Variants in MAP3K19 observed in about 807,000 individuals in gnomAD.
The protein encoded by MAP3K19 is mitogen-activated protein kinase kinase kinase 19.
In MAP3K19, 91 loss-of-function variants were observed where a neutral mutation model predicts 114.4. The ratio of observed to expected loss-of-function variants is 0.80; its 90% CI spans 0.67 to 0.95. MAP3K19 has a LOEUF of 0.95. MAP3K19 is among the 40% of genes least tolerant of loss of function. MAP3K19 has a pLI of 0.00. For missense variants in MAP3K19, 1,471 were observed against 1,573.2 expected (o/e 0.94, Z 1.10); for synonymous variants, 518 against 530.5 (o/e 0.98, Z 0.32).
intron 8 of MAP3K19, among the ~76,000 whole-genome samples, chr2:134,996,410 G>T (rs546645012): frequency 6.6e-6 from 1 of 151,576 alleles, no homozygotes; most frequent in Non-Finnish European, 1.5e-5. Context: ...GATGCCAAAT[G>T]CTTGGAGGTT....
rs771676353 is a variant in MAP3K19 at position 134,987,618 on chromosome 2, T to G, written c.1254A>C (p.Lys418Asn). ...EEMRNNKAASKRVSLHKNEAM... is the reference protein window; with the variant it reads ...EEMRNNKAASNRVSLHKNEAM... Reference sequence around the variant, plus strand: ...CTTCATTTTTATGTAATGAAACTCTTTTTGAAGCAGCTTTATTATTTCTCA... The same window carrying G: ...CTTCATTTTTATGTAATGAAACTCTGTTTGAAGCAGCTTTATTATTTCTCA... The change falls in exon 10 of 13, where the codon AAA becomes AAC. Residue 418 changes from lysine (K) to asparagine (N), a missense_variant. By Grantham distance (94) the Lys-to-Asn change is moderately conservative (BLOSUM62 0). Coordinates refer to ENST00000392915, the MANE Select transcript of MAP3K19 (RefSeq NM_025052.5). 1 of 1,614,130 alleles carries G rather than the reference T, an allele frequency of 6.2e-7. No individual in the cohort carries two copies. The highest frequency in any genetic ancestry group is 1.7e-5 in the Admixed American group (1 of 60,008).
intron 2 of MAP3K19, among the ~76,000 whole-genome samples, chr2:135,037,261 G>A (rs1337562510): frequency 6.6e-6 from 1 of 152,242 alleles, no homozygotes; most frequent in Non-Finnish European, 1.5e-5. Context: ...GCCTCCCAAA[G>A]TGCTGGGATT....
At chr2:135,014,532 G>T (rs1268030128) in intron 5 of MAP3K19, among the ~76,000 whole-genome samples, 1 of 152,146 alleles carries the variant, frequency 6.6e-6, no homozygotes, top group Admixed American at 6.5e-5. Flanking sequence ...TCAGATATTT[G>T]AAGACATTCC....
chr2:134,984,033 C>T (rs764416258), intron 10 of MAP3K19, among the ~76,000 whole-genome samples: 2 of 152,216 alleles, frequency 1.3e-5, no homozygotes, highest in East Asian at 1.9e-4. Context: ...CATTTTAAAA[C>T]CACATCTTGC....
chr2:135,025,770 C>G (rs374777179), intron 3 of MAP3K19, among the ~76,000 whole-genome samples: 1 of 151,874 alleles, frequency 6.6e-6, no homozygotes, highest in Non-Finnish European at 1.5e-5. Flanking sequence ...TACAACAGAA[C>G]AAGTCTCTTC....
chr2:134,999,024 T>G lies in MAP3K19; in HGVS notation c.315-27A>C. ...TAAAGGGGGAGGGAAATGTTTGATTTAAAACTCAGTTGCCACATCTTCTGG... is the reference window on the plus strand; with the variant it reads ...TAAAGGGGGAGGGAAATGTTTGATTGAAAACTCAGTTGCCACATCTTCTGG... On this transcript the variant is annotated intron_variant, in intron 7 of 12. Transcript: ENST00000392915. The surrounding 1 kb of genome is among the most constrained non-coding windows in gnomAD (Gnocchi z 4.1). 6.3e-7 allele frequency: 1 copy of G among 1,596,702 alleles called. No homozygotes were observed. Among genetic ancestry groups the G allele is most frequent in the Non-Finnish European group, 8.5e-7 (1 of 1,172,972 alleles).
intron 5 of MAP3K19, among the ~76,000 whole-genome samples, chr2:135,009,884 G>A (rs1687100675): frequency 6.6e-6 from 1 of 151,882 alleles, no homozygotes; most frequent in Non-Finnish European, 1.5e-5. Context: ...AAGCATAAAT[G>A]GGTTAACTAA....
intron 6 of MAP3K19, among the ~76,000 whole-genome samples, chr2:135,002,025 T>C (rs1446237897): frequency 6.6e-6 from 1 of 152,228 alleles, no homozygotes; most frequent in Non-Finnish European, 1.5e-5. Flanking sequence ...TTCTGCCTCT[T>C]GAATACTGTG....
At chr2:134,975,685 G>A (rs536053549) in intron 12 of MAP3K19, among the ~76,000 whole-genome samples, 3 of 152,282 alleles carry the variant, frequency 2.0e-5, no homozygotes, top group Admixed American at 1.3e-4. Flanking sequence ...TCAGGCAGGT[G>A]GCTCTCAGGT....
intron 12 of MAP3K19, among the ~76,000 whole-genome samples, chr2:134,966,357 A>T (rs1303483857): frequency 2.0e-5 from 3 of 147,392 alleles, no homozygotes; most frequent in Non-Finnish European, 4.5e-5. Context: ...TTACATTCAC[A>T]CCCAACAGTA....
In MAP3K19 at chr2:135,021,746, T is replaced by C; in HGVS notation, c.107A>G (p.Asn36Ser). 6.2e-7 allele frequency: 1 copy of C among 1,612,340 alleles called. No homozygotes were observed. The highest frequency in any genetic ancestry group is 8.5e-7 in the Non-Finnish European group (1 of 1,179,180). The change falls in exon 5 of 13, where the codon AAC becomes AGC. Residue 36 changes from asparagine to serine, a missense_variant. Asn to Ser is a conservative substitution (Grantham distance 46, BLOSUM62 1). Transcript: ENST00000392915. ...TCTGCTGATGCTTTGCAAGATGATG[T>C]TTTGATTTTTGGTAACTGTCATCAA... Reference protein sequence around the residue: ...TDLMTVTKNQNIILQSISRSE... With the variant: ...TDLMTVTKNQSIILQSISRSE...
chr2:134,986,134 TC>T lies in MAP3K19; in HGVS notation c.2737del (p.Glu913LysfsTer20). ...TTGATATGTCTGGGAAGATGCACTT[TC>T]TTGTTTTGCTTGGAAAGAGAAATTT... ...LTNFSFQAKQ[E>X]SASSQTYQYW... On this transcript the variant is annotated frameshift_variant, in exon 10 of 13. Transcript: ENST00000392915. LOFTEE classifies it high-confidence loss of function. 1 of 1,614,054 alleles carries T rather than the reference TC, an allele frequency of 6.2e-7. No homozygotes were observed. Among genetic ancestry groups the T allele is most frequent in the Non-Finnish European group, 8.5e-7 (1 of 1,179,976 alleles).
chr2:135,014,711 C>T (rs1202744244), intron 5 of MAP3K19, among the ~76,000 whole-genome samples: 1 of 152,228 alleles, frequency 6.6e-6, no homozygotes, highest in Non-Finnish European at 1.5e-5. Context: ...CACTCTCATG[C>T]AAGTGCTATT....
intron 12 of MAP3K19, among the ~76,000 whole-genome samples, chr2:134,978,348 C>A (rs1019182570): frequency 6.6e-6 from 1 of 151,988 alleles, no homozygotes; most frequent in South Asian, 2.1e-4. Context: ...CACACACCAC[C>A]ATGCCTGGCT....
At chr2:135,042,555 C>T (rs1166942032) in intron 1 of MAP3K19, among the ~76,000 whole-genome samples, 1 of 150,986 alleles carries the variant, frequency 6.6e-6, no homozygotes, top group Non-Finnish European at 1.5e-5. Context: ...AGAAAGAAGG[C>T]ATTCGTGATA....
In MAP3K19 at chr2:134,991,302, A is replaced by AAAAACAAAACAAAAC. The variant is rs144837592; in HGVS notation, c.618+220_618+234dup. On this transcript the variant is annotated intron_variant, in intron 9 of 12. Transcript: ENST00000392915. ...GGTGACAGAGTGAGACTCTGTCTCA[A>AAAAACAAAACAAAAC]AAAACAAAACAAAACAAAACAAAAC... The AAAAACAAAACAAAAC allele has an allele frequency of 7.6e-5, 36 of 472,574 alleles. No homozygotes were observed. The East Asian group carries it at 1.1e-3, about 14-fold the overall frequency. 29.3% of individuals were successfully genotyped at this position (472,574 alleles called of 1,614,324 possible). A position where few individuals can be genotyped will look rare whatever the true frequency, so the allele number is the denominator to read the frequency against.
chr2:135,029,044 T>C (rs947703046), intron 3 of MAP3K19, among the ~76,000 whole-genome samples: 4 of 152,194 alleles, frequency 2.6e-5, no homozygotes, highest in African/African-American at 4.8e-5. Flanking sequence ...TAAAACTTGG[T>C]TCCTAATGTT....
rs539402636 is a variant in MAP3K19 at position 135,024,747 on chromosome 2, A to C, written c.-94-6T>G. The C allele has an allele frequency of 2.0e-5, 20 of 1,013,724 alleles. No homozygotes were observed. In the East Asian group the frequency reaches 4.8e-4, roughly 24 times the overall value. 62.8% of individuals were successfully genotyped at this position (1,013,724 alleles called of 1,614,324 possible). ...AATCACAAAGTTTAGGATCTCTAGG[A>C]AGAACAGAATCAACATTAAAGTTTA... On this transcript the variant is annotated splice_region_variant and splice_polypyrimidine_tract_variant and intron_variant, in intron 3 of 12. Transcript: ENST00000392915.
chr2:134,974,632 AT>A (rs1409557701), intron 12 of MAP3K19, among the ~76,000 whole-genome samples: 1 of 152,162 alleles, frequency 6.6e-6, no homozygotes, highest in African/African-American at 2.4e-5. Context: ...AACAATCAAA[AT>A]TGTATATCTG....
Sources: allele counts gnomAD v4.1 joint callset (sites outside exome capture counted in the v4.1 genomes callset), GRCh38; gene constraint gnomAD v4.1.1; non-coding constraint Gnocchi (gnomAD v3.1); transcripts MANE v1.5; gene names NCBI Gene and HGNC (gene_info 2026-07-23, HGNC 2026-07-21).